The following EBF3 variants were observed in gnomAD, a reference collection of about 807,000 sequenced individuals.
The protein encoded by EBF3 is transcription factor COE3.
A neutral mutation model predicts 77.1 loss-of-function variants in EBF3; 18 were observed. The observed-to-expected ratio is 0.23, with a 90% CI of 0.16 to 0.35. The LOEUF (loss-of-function observed/expected upper bound fraction) is 0.35. EBF3 is among the 10% of genes least tolerant of loss of function. EBF3 has a pLI of 1.00. For synonymous variants in EBF3, 350 were observed against 343.5 expected, an observed-to-expected ratio of 1.02 and a Z score of -0.21; for missense variants, 558 against 860.0, an observed-to-expected ratio of 0.65 and a Z score of 4.39.
At chr10:129,853,404 CCA>C (rs1377409742) in intron 10 of EBF3, among the ~76,000 whole-genome samples, 1 of 152,168 alleles carries the variant, frequency 6.6e-6, no homozygotes, top group Admixed American at 6.5e-5. Context: ...TAAATGAGTT[CCA>C]GTTTCATTTC....
intron 6 of EBF3, among the ~76,000 whole-genome samples, chr10:129,934,147 C>T (rs1451532904): frequency 6.6e-6 from 1 of 152,132 alleles, no homozygotes; most frequent in Non-Finnish European, 1.5e-5. Context: ...GAACATGGCA[C>T]CTCAGGGCCT....
At chr10:129,896,349 T>C (rs948917542) in intron 6 of EBF3, among the ~76,000 whole-genome samples, 1 of 152,232 alleles carries the variant, frequency 6.6e-6, no homozygotes, top group Non-Finnish European at 1.5e-5. Flanking sequence ...CTTATTCTAC[T>C]TGAATGCACA....
chr10:129,841,086 T>C lies in EBF3; in HGVS notation c.1373-54A>G. On this transcript the variant is annotated intron_variant, in intron 13 of 16. Coordinates refer to ENST00000440978, the MANE Select transcript of EBF3 (RefSeq NM_001375380.1). This position sits in a 1 kb window ranked among gnomAD's most constrained non-coding sequence, Gnocchi z 4.6. ...TAACATTATTATCAGCGACAGACAC[T>C]TGGGGGGGGTTCCCCGAGAATCTAT... is the stretch of plus-strand genomic sequence containing the variant. 1.9e-6 allele frequency: 3 copies of C among 1,586,294 alleles called. No homozygotes were observed. Among genetic ancestry groups the C allele is most frequent in the Admixed American group, 1.7e-5 (1 of 57,886 alleles).
intron 6 of EBF3, among the ~76,000 whole-genome samples, chr10:129,887,890 C>T (rs1452205726): frequency 3.9e-5 from 6 of 152,094 alleles, no homozygotes; most frequent in Non-Finnish European, 7.4e-5. Flanking sequence ...TCAGCTAACC[C>T]GCCCCCACGC....
chr10:129,888,378 C>T (rs1368343207), intron 6 of EBF3, among the ~76,000 whole-genome samples: 1 of 152,188 alleles, frequency 6.6e-6, no homozygotes, highest in Admixed American at 6.5e-5. Context: ...TTAAAGAGGT[C>T]GTTAAAGGCT....
rs1290740929 is a variant in EBF3 at position 129,837,073 on chromosome 10, A to G, written c.*870T>C. The G allele has an allele frequency of 6.6e-6, 1 of 152,662 alleles. No individual in the cohort carries two copies. The highest frequency in any genetic ancestry group is 1.9e-4 in the East Asian group (1 of 5,204). 9.5% of individuals were successfully genotyped at this position (152,662 alleles called of 1,614,324 possible). A position where few individuals can be genotyped will look rare whatever the true frequency, so the allele number is the denominator to read the frequency against. ...CACATACAAAACACATTAGGGAAGA[A>G]GGATCTAGAAGTCAAAAGGACAATT... On this transcript the variant is annotated 3_prime_UTR_variant, in exon 17 of 17. Transcript: ENST00000440978.
At chr10:129,955,891 C>T (rs528777285) in intron 6 of EBF3, among the ~76,000 whole-genome samples, 1 of 152,358 alleles carries the variant, frequency 6.6e-6, no homozygotes, top group Non-Finnish European at 1.5e-5. Context: ...TCAAACACTT[C>T]TAGCCAATCA....
At position 129,963,682 on chromosome 10, in the gene EBF3, C is replaced by G. The variant is rs1420786049; in HGVS notation, c.87G>C (p.Ser29=). The G allele has an allele frequency of 6.6e-7, 1 of 1,521,748 alleles. No individual in the cohort carries two copies. Among genetic ancestry groups the G allele is most frequent in the African/African-American group, 1.5e-5 (1 of 68,806 alleles). The allele number at this position is 1,521,748 out of a possible 1,614,324, so 94.3% of individuals were successfully genotyped here. Residue 29 remains serine, a synonymous_variant, in exon 1 of 17, where the codon TCG becomes TCC. Transcript: ENST00000440978. The surrounding 1 kb of genome is among the most constrained non-coding windows in gnomAD (Gnocchi z 7.1). ...PLGSGMNPVR[S]WMHTAGVVDA... ...CCACCACGCCCGCCGTGTGCATCCA[C>G]GAGCGCACCGGGTTCATGCCGCTGC...
chr10:129,904,510 T>C (rs895345302), intron 6 of EBF3, among the ~76,000 whole-genome samples: 9 of 151,348 alleles, frequency 5.9e-5, no homozygotes, highest in Non-Finnish European at 8.8e-5. Flanking sequence ...AATGAATGGA[T>C]AGACAAGTGC....
intron 10 of EBF3, 69 bp downstream of exon 10, chr10:129,867,072 T>TCATGAGCA (rs1852072731): frequency 6.4e-7 from 1 of 1,560,636 alleles, no homozygotes; most frequent in Non-Finnish European, 8.7e-7. Flanking sequence ...TCCCGTGCCC[T>TCATGAGCA]CATGAGCACC....
intron 6 of EBF3, among the ~76,000 whole-genome samples, chr10:129,896,453 G>A (rs1004513120): frequency 2.2e-4 from 34 of 152,300 alleles, no homozygotes; most frequent in African/African-American, 6.7e-4. Context: ...CTGGCCTGGC[G>A]TCGCCCGCCA....
At chr10:129,923,251 T>C (rs1312490306) in intron 6 of EBF3, among the ~76,000 whole-genome samples, 2 of 152,084 alleles carry the variant, frequency 1.3e-5, no homozygotes, top group African/African-American at 2.4e-5. Flanking sequence ...CATTTTGCAA[T>C]AGAAAAAGTG....
Position 129,873,565 on chromosome 10 carries a change from C to T in EBF3, c.668G>A (p.Gly223Asp). The T allele has an allele frequency of 6.4e-7, 1 of 1,565,914 alleles. No individual in the cohort carries two copies. Among genetic ancestry groups the T allele is most frequent in the Admixed American group, 1.9e-5 (1 of 53,178 alleles). ...GTTGTCTGACACGGCCAGCACGTGG[C>T]CGTCCACGTTGACTGTTGTCGATAC... ...VVVSTTVNVD[G>D]HVLAVSDNMF... is the part of the protein sequence containing the mutation. The change falls in exon 8 of 17, where the codon GGC becomes GAC. Residue 223 changes from glycine (G) to aspartate (D), a missense_variant. This residue lies in a region of EBF3 where 112 missense variants were observed against 207.7 expected (regional missense o/e 0.54). Transcript: ENST00000440978.
intron 6 of EBF3, among the ~76,000 whole-genome samples, chr10:129,908,087 T>C (rs1481406598): frequency 6.6e-6 from 1 of 152,160 alleles, no homozygotes; most frequent in African/African-American, 2.4e-5. Flanking sequence ...AAAGCATAAA[T>C]ATTTTTTATT....
chr10:129,948,288 A>C (rs1362460552), intron 6 of EBF3, among the ~76,000 whole-genome samples: 2 of 145,362 alleles, frequency 1.4e-5, no homozygotes, highest in African/African-American at 2.5e-5. Context: ...AAAAAAAAGC[A>C]GCAGCAGCTA....
Position 129,873,591 on chromosome 10 carries a change from A to C in EBF3, c.642T>G (p.Val214=). The C allele has an allele frequency of 6.5e-7, 1 of 1,534,334 alleles. No individual in the cohort carries two copies. Among genetic ancestry groups the C allele is most frequent in the Non-Finnish European group, 8.8e-7 (1 of 1,138,370 alleles). Residue 214 remains valine (V), a synonymous_variant, in exon 8 of 17, where the codon GTT becomes GTG. Coordinates refer to ENST00000440978, the MANE Select transcript of EBF3 (RefSeq NM_001375380.1). ...NPRDMRRFQV[V]VSTTVNVDGH... ...CGTCCACGTTGACTGTTGTCGATAC[A>C]ACAACCTGCAAAGATGAAGTGGATT...
chr10:129,932,134 G>A (rs533686123), intron 6 of EBF3, among the ~76,000 whole-genome samples: 42 of 152,170 alleles, frequency 2.8e-4, no homozygotes, highest in Non-Finnish European at 5.3e-4. Flanking sequence ...TTACACACAC[G>A]GCCAGGGTAG....
intron 6 of EBF3, among the ~76,000 whole-genome samples, chr10:129,915,494 A>G (rs1031111130): frequency 1.1e-5 from 1 of 94,616 alleles, no homozygotes; most frequent in Non-Finnish European, 2.1e-5. Context: ...ACACACACAC[A>G]CACAAAAAAG....
At chr10:129,862,345 G>A (rs986397454) in intron 10 of EBF3, among the ~76,000 whole-genome samples, 1 of 152,126 alleles carries the variant, frequency 6.6e-6, no homozygotes, top group Non-Finnish European at 1.5e-5. Context: ...GTATTCCGCC[G>A]TCAAGAGCTC....
Sources: allele counts gnomAD v4.1 joint callset (sites outside exome capture counted in the v4.1 genomes callset), GRCh38; gene constraint gnomAD v4.1.1; regional missense constraint gnomAD v4.1.1; non-coding constraint Gnocchi (gnomAD v3.1); transcripts MANE v1.5; gene names NCBI Gene and HGNC (gene_info 2026-07-23, HGNC 2026-07-21).